The following PTPN23 variants were observed in gnomAD, a reference collection of about 807,000 sequenced individuals.
PTPN23 encodes protein tyrosine phosphatase non-receptor type 23.
In PTPN23, 72 loss-of-function variants were observed where a neutral mutation model predicts 156.3. The ratio of observed to expected loss-of-function variants is 0.46; its 90% confidence interval spans 0.38 to 0.56. PTPN23 has a LOEUF of 0.56. Ranked by LOEUF, PTPN23 falls within the 20% of genes least tolerant of loss-of-function variation. The probability of loss-of-function intolerance (pLI) is 0.00; values close to 1 mark genes in which losing one functional copy is unlikely to be tolerated. For synonymous variants in PTPN23, 957 were observed against 899.6 expected (o/e 1.06, Z -1.14); for missense variants, 1,974 against 2,171.5 (o/e 0.91, Z 1.81).
chr3:47,410,447 A>T lies in PTPN23; in HGVS notation c.2649A>T (p.Thr883=). 6.2e-7 allele frequency: 1 copy of T among 1,611,614 alleles called. No homozygotes were observed. The highest frequency in any genetic ancestry group is 8.5e-7 in the Non-Finnish European group (1 of 1,179,374). ...TGGCGGTTCGGCCAGCCACCACCAC[A>T]GTAGATAGCATCCAGGCGCCCATCC... ...LAMAVRPATT[T]VDSIQAPIPS... Residue 883 remains threonine, a synonymous_variant, in exon 20 of 25, where the codon ACA becomes ACT. Transcript: ENST00000265562.
rs200268486 is a variant in PTPN23, at chr3:47,409,630, T to C, written c.1950-25T>C. The C allele has an allele frequency of 1.9e-4, 314 of 1,612,534 alleles. No homozygotes were observed. The East Asian group carries it at 6.9e-3, about 36-fold the overall frequency. ...CTGGAGCCCAGCCCCATGGTTCACC[T>C]GGAGCTGGCCCTTCTGCCCACCAGG... On this transcript the variant is annotated intron_variant, in intron 18 of 24. Transcript: ENST00000265562.
chr3:47,390,477 T>G (rs1459436654), intron 1 of PTPN23, among the ~76,000 whole-genome samples: 2 of 152,174 alleles, frequency 1.3e-5, no homozygotes, highest in African/African-American at 4.8e-5. Flanking sequence ...GTGTAGGTAC[T>G]GGGGTCCTGT....
rs780485797 is a variant in PTPN23 at position 47,409,505 on chromosome 3, C to T, written c.1886C>T (p.Ala629Val). ...GCCGCCCAGGACCGTGTCCTCTGTGCACTGACAGAGGCCAACGTGCAGTAC... is the reference window on the plus strand; with the variant it reads ...GCCGCCCAGGACCGTGTCCTCTGTGTACTGACAGAGGCCAACGTGCAGTAC... ...NLAAQDRVLC[A>V]LTEANVQYAA... Residue 629 changes from alanine to valine, a missense_variant, in exon 18 of 25, where the codon GCA becomes GTA. By Grantham distance (64) the Ala-to-Val change is moderately conservative. Coordinates refer to ENST00000265562, the MANE Select transcript of PTPN23 (RefSeq NM_015466.4). 6.2e-7 allele frequency: 1 copy of T among 1,614,118 alleles called. No individual in the cohort carries two copies. The highest frequency in any genetic ancestry group is 1.1e-5 in the South Asian group (1 of 91,074).
intron 14 of PTPN23, 96 bp downstream of exon 14, chr3:47,408,051 G>A (rs2107717776): frequency 1.4e-6 from 2 of 1,402,188 alleles, no homozygotes; most frequent in Non-Finnish European, 2.0e-6. Context: ...GGAATGAAAT[G>A]TCCATTCCAA....
intron 1 of PTPN23, among the ~76,000 whole-genome samples, chr3:47,385,464 T>A (rs1197823591): frequency 1.3e-5 from 2 of 151,938 alleles, no homozygotes; most frequent in African/African-American, 4.8e-5. Context: ...ATTGCTTGAG[T>A]CCAGGAGTTT....
At position 47,411,928 on chromosome 3, in the gene PTPN23, G is replaced by GCT; in HGVS notation, c.4039_4040dup (p.Val1348LeufsTer12). 6.2e-7 allele frequency: 1 copy of GCT among 1,613,120 alleles called. No individual in the cohort carries two copies. Among genetic ancestry groups the GCT allele is most frequent in the South Asian group, 1.1e-5 (1 of 91,008 alleles). The stretch of plus-strand genomic sequence containing the variant: ...CAGTTCCGAGACCAGAGCCTCAAGC[G>GCT]CTCTCTTGTGCACCTGCACTTCCCC... On this transcript the variant is annotated frameshift_variant, in exon 21 of 25. Transcript: ENST00000265562. LOFTEE classifies it high-confidence loss of function. The surrounding 1 kb of genome is among the most constrained non-coding windows in gnomAD (Gnocchi z 6.3).
Position 47,407,094 on chromosome 3 carries a change from G to A in PTPN23, c.808-36G>A. On this transcript the variant is annotated intron_variant, in intron 9 of 24. Transcript: ENST00000265562. This position sits in a 1 kb window ranked among gnomAD's most constrained non-coding sequence, Gnocchi z 4.0. Reference sequence around the variant, plus strand: ...CAGGAGGAGAAAGGGTCCAAGCAGAGGAGGACAGAGCAGGCTTTCCTGCCA... The same window carrying A: ...CAGGAGGAGAAAGGGTCCAAGCAGAAGAGGACAGAGCAGGCTTTCCTGCCA... 1 of 1,613,350 alleles carries A rather than the reference G, an allele frequency of 6.2e-7. No homozygotes were observed. Among genetic ancestry groups the A allele is most frequent in the Non-Finnish European group, 8.5e-7 (1 of 1,179,564 alleles).
At chr3:47,398,167 C>T (rs980852503) in intron 2 of PTPN23, among the ~76,000 whole-genome samples, 1 of 152,122 alleles carries the variant, frequency 6.6e-6, no homozygotes, top group African/African-American at 2.4e-5. Context: ...ATGGTAGCAG[C>T]GCATGCCTGT....
rs775980963 is a variant in PTPN23 at position 47,413,026 on chromosome 3, C to A, written c.4752C>A (p.Thr1584=). 1.2e-6 allele frequency: 2 copies of A among 1,612,942 alleles called. No homozygotes were observed. Among genetic ancestry groups the A allele is most frequent in the South Asian group, 2.2e-5 (2 of 91,084 alleles). The change falls in exon 25 of 25, where the codon ACC becomes ACA. Residue 1584 remains threonine (T), a synonymous_variant. Coordinates refer to ENST00000265562, the MANE Select transcript of PTPN23 (RefSeq NM_015466.4). ...SSSLELLASL[T]PEAFSLDSSL... is the part of the protein sequence containing the mutation. ...CCCTGGAATTGCTGGCCTCCTTGAC[C>A]CCAGAGGCCTTCTCCCTGGACAGCT...
In PTPN23 at chr3:47,412,176, A is replaced by G; in HGVS notation, c.4156A>G (p.Thr1386Ala). The part of the protein sequence containing the change: ...AHYLHQRPLH[T>A]PIIVHCSSGV... ...TTACCTGCATCAGCGGCCGCTGCAC[A>G]CGCCCATCATTGTGCACTGCAGGTA... Residue 1386 changes from threonine (T) to alanine (A), a missense_variant, in exon 22 of 25, where the codon ACG becomes GCG. Physicochemically the swap from Thr to Ala is moderately conservative, Grantham distance 58. This residue lies in a region of PTPN23 where 484 missense variants were observed against 516.0 expected (regional missense o/e 0.94). Coordinates refer to ENST00000265562, the MANE Select transcript of PTPN23 (RefSeq NM_015466.4). 1 of 1,613,144 alleles carries G rather than the reference A, an allele frequency of 6.2e-7. No individual in the cohort carries two copies. The highest frequency in any genetic ancestry group is 8.5e-7 in the Non-Finnish European group (1 of 1,180,018).
intron 1 of PTPN23, among the ~76,000 whole-genome samples, chr3:47,381,551 C>T (rs977219710): frequency 1.3e-5 from 2 of 152,230 alleles, no homozygotes; most frequent in East Asian, 3.9e-4. Context: ...CGGCCCTGAC[C>T]GTGCGGATTC....
Position 47,405,589 on chromosome 3 carries a change from A to G in PTPN23, c.365-160A>G. On this transcript the variant is annotated intron_variant, in intron 4 of 24. Coordinates refer to ENST00000265562, the MANE Select transcript of PTPN23 (RefSeq NM_015466.4). This position sits in a 1 kb window ranked among gnomAD's most constrained non-coding sequence, Gnocchi z 4.7. ...GACTGAGGGCTGGGCAGGACTTCTGAGTTTCCCTGTTCCCTCCAGCTTGGG... is the reference window on the plus strand; with the variant it reads ...GACTGAGGGCTGGGCAGGACTTCTGGGTTTCCCTGTTCCCTCCAGCTTGGG... 1.4e-6 allele frequency: 1 copy of G among 707,910 alleles called. No homozygotes were observed. Among genetic ancestry groups the G allele is most frequent in the East Asian group, 2.7e-5 (1 of 36,924 alleles). 43.9% of individuals were successfully genotyped at this position (707,910 alleles called of 1,614,324 possible).
In PTPN23 at chr3:47,411,420, G is replaced by T; in HGVS notation, c.3622G>T (p.Gly1208Cys). 6.2e-7 allele frequency: 1 copy of T among 1,613,112 alleles called. No individual in the cohort carries two copies. Among genetic ancestry groups the T allele is most frequent in the Non-Finnish European group, 8.5e-7 (1 of 1,180,034 alleles). ...LQDAQEHDAR[G>C]RSIAIARCYS... is the part of the protein sequence containing the mutation. ...AGATGCGCAGGAACATGATGCCCGA[G>T]GCCGTTCCATCGCCATTGCCCGCTG... The change falls in exon 20 of 25, where the codon GGC becomes TGC. Residue 1208 changes from glycine to cysteine, a missense_variant. This residue lies in a region of PTPN23 where 731 missense variants were observed against 669.1 expected (regional missense o/e 1.09). Transcript: ENST00000265562. The surrounding 1 kb of genome is among the most constrained non-coding windows in gnomAD (Gnocchi z 6.3).
chr3:47,405,107 G>A lies in PTPN23; in HGVS notation c.364+26G>A. 6.2e-7 allele frequency: 1 copy of A among 1,608,302 alleles called. No individual in the cohort carries two copies. Among genetic ancestry groups the A allele is most frequent in the Non-Finnish European group, 8.5e-7 (1 of 1,174,844 alleles). On this transcript the variant is annotated intron_variant, in intron 4 of 24. Transcript: ENST00000265562. The surrounding 1 kb of genome is among the most constrained non-coding windows in gnomAD (Gnocchi z 4.7). ...GTGAGCTGCCTGATCCCTTCCCCCG[G>A]CCCTACTCCCCAGTCCTGCCAGCCT...
At chr3:47,404,425 TA>T (rs1553639485) in intron 2 of PTPN23, among the ~76,000 whole-genome samples, 1 of 149,424 alleles carries the variant, frequency 6.7e-6, no homozygotes. Flanking sequence ...TTTTTTTTTT[TA>T]AAAAAGGAAA....
chr3:47,400,433 C>CT (rs1283605411), intron 2 of PTPN23, among the ~76,000 whole-genome samples: 1 of 152,256 alleles, frequency 6.6e-6, no homozygotes, highest in African/African-American at 2.4e-5. Flanking sequence ...GTCTGAGAGT[C>CT]TGACAGACCA....
chr3:47,413,342 T>C lies in PTPN23; in HGVS notation c.*157T>C. 1 of 1,018,452 alleles carries C rather than the reference T, an allele frequency of 9.8e-7. No homozygotes were observed. Among genetic ancestry groups the C allele is most frequent in the Non-Finnish European group, 1.4e-6 (1 of 698,866 alleles). The allele number at this position is 1,018,452 out of a possible 1,614,324, so 63.1% of individuals were successfully genotyped here. ...AGCCTGCACCCCTGTGGGGTGGAAA[T>C]GTACTGCAGGCTCTGGGTCAGGTTC... On this transcript the variant is annotated 3_prime_UTR_variant, in exon 25 of 25. Coordinates refer to ENST00000265562, the MANE Select transcript of PTPN23 (RefSeq NM_015466.4).
At chr3:47,384,129 A>G (rs1704605944) in intron 1 of PTPN23, among the ~76,000 whole-genome samples, 1 of 150,466 alleles carries the variant, frequency 6.6e-6, no homozygotes, top group Non-Finnish European at 1.5e-5. Context: ...TTTTTCAAGG[A>G]ATTCATAAAG....
chr3:47,386,385 C>G (rs1704652714), intron 1 of PTPN23, among the ~76,000 whole-genome samples: 1 of 152,202 alleles, frequency 6.6e-6, no homozygotes, highest in Middle Eastern at 3.4e-3. Context: ...AGGCTGGTCT[C>G]GAACTCCTGA....
Sources: allele counts gnomAD v4.1 joint callset (sites outside exome capture counted in the v4.1 genomes callset), GRCh38; gene constraint gnomAD v4.1.1; regional missense constraint gnomAD v4.1.1; non-coding constraint Gnocchi (gnomAD v3.1); transcripts MANE v1.5; gene names NCBI Gene and HGNC (gene_info 2026-07-23, HGNC 2026-07-21).